The following MACROD2 variants were observed in gnomAD, a reference collection of about 807,000 sequenced individuals.
The protein encoded by MACROD2 is ADP-ribose glycohydrolase MACROD2.
In MACROD2, 36 loss-of-function variants were observed where a neutral mutation model predicts 70.4. That is an observed-to-expected ratio of 0.51 (90% CI 0.39 to 0.68). The LOEUF (loss-of-function observed/expected upper bound fraction) is 0.68. Ranked by LOEUF, MACROD2 falls within the 30% of genes least tolerant of loss-of-function variation. The pLI is 0.00. For missense variants in MACROD2, 496 were observed against 538.4 expected (o/e 0.92, Z 0.78); for synonymous variants, 172 against 178.8 (o/e 0.96, Z 0.30).
chr20:14,009,277 A>G (rs1014374088), intron 2 of MACROD2, among the ~76,000 whole-genome samples: 5 of 152,136 alleles, frequency 3.3e-5, no homozygotes, highest in African/African-American at 1.2e-4. Context: ...AAACCAAACA[A>G]CCCCATTAAA....
At chr20:14,278,371 G>T (rs1398297897) in intron 3 of MACROD2, among the ~76,000 whole-genome samples, 1 of 152,166 alleles carries the variant, frequency 6.6e-6, no homozygotes, top group Non-Finnish European at 1.5e-5. Flanking sequence ...GCTGGGCAGT[G>T]GTGAGAGGCA....
In MACROD2 at chr20:14,142,972, C is replaced by G. The variant is rs1009250948; in HGVS notation, c.271+57244C>G. ...GTGTGGGTGTACATGCATGCACACA[C>G]ACGAAATATAATAGGGCAGCATCTC... is the stretch of plus-strand genomic sequence containing the variant. On this transcript the variant is annotated intron_variant, in intron 3 of 17. Coordinates refer to ENST00000684519, the MANE Select transcript of MACROD2 (RefSeq NM_001351661.2). Among the ~76,000 whole-genome samples, 3 of 152,094 alleles carry G rather than the reference C, an allele frequency of 2.0e-5. No homozygotes were observed. The East Asian group carries it at 5.8e-4, about 29-fold the overall frequency.
intron 5 of MACROD2, among the ~76,000 whole-genome samples, chr20:14,997,737 C>T (rs1461648841): frequency 2.6e-5 from 4 of 152,076 alleles, no homozygotes; most frequent in Non-Finnish European, 5.9e-5. Context: ...CTAAGGAGCC[C>T]TTGGGCCTTG....
chr20:15,474,353 C>T (rs1015776783), intron 7 of MACROD2, among the ~76,000 whole-genome samples: 7 of 151,990 alleles, frequency 4.6e-5, no homozygotes, highest in African/African-American at 7.2e-5. Context: ...ACTTAATGAG[C>T]GAGGCTTCAT....
chr20:14,343,566 A>G (rs184965847), intron 3 of MACROD2, among the ~76,000 whole-genome samples: 111 of 152,304 alleles, frequency 7.3e-4, no homozygotes, highest in African/African-American at 2.6e-3. Context: ...GAAACAATTC[A>G]CTAATGTCAA....
In MACROD2 at chr20:14,942,444, T is replaced by A. The variant is rs930508699; in HGVS notation, c.418+257485T>A. Among the ~76,000 whole-genome samples, 5 of 151,970 alleles carry A rather than the reference T, an allele frequency of 3.3e-5. No individual in the cohort carries two copies. In the East Asian group the frequency reaches 9.7e-4, roughly 29 times the overall value. On this transcript the variant is annotated intron_variant, in intron 5 of 17. Transcript: ENST00000684519. ...CCTTTCTCCTCCTCCTCTTCCTCCTTTCTCCTCCTCCTTTTTCTTCTTCAG... is the reference window on the plus strand; with the variant it reads ...CCTTTCTCCTCCTCCTCTTCCTCCTATCTCCTCCTCCTTTTTCTTCTTCAG...
rs185498016 is a variant in MACROD2 at position 15,524,929 on chromosome 20, C to T, written c.645+25082C>T. 2.0e-5 allele frequency among the ~76,000 whole-genome samples: 3 copies of T among 152,266 alleles called. No homozygotes were observed. In the East Asian group the frequency reaches 5.8e-4, roughly 29 times the overall value. ...TGTCACTGAGGTTCTACTGAATAGT[C>T]CAAGTCCAACTCTAGATTCTTAGGC... On this transcript the variant is annotated intron_variant, in intron 8 of 17. Transcript: ENST00000684519.
chr20:15,827,893 T>C (rs1278391213), intron 8 of MACROD2, among the ~76,000 whole-genome samples: 1 of 152,230 alleles, frequency 6.6e-6, no homozygotes, highest in Non-Finnish European at 1.5e-5. Flanking sequence ...TAGCCCAGAA[T>C]GCATGGCTTC....
At chr20:14,214,332 A>G (rs902819212) in intron 3 of MACROD2, among the ~76,000 whole-genome samples, 1 of 152,134 alleles carries the variant, frequency 6.6e-6, no homozygotes, top group African/African-American at 2.4e-5. Flanking sequence ...ATGTAGTGCC[A>G]TCCCCTTCTT....
At chr20:15,275,413 C>T (rs1226586920) in intron 6 of MACROD2, among the ~76,000 whole-genome samples, 1 of 152,170 alleles carries the variant, frequency 6.6e-6, no homozygotes. Flanking sequence ...ATCAGATTTG[C>T]TTTTGAGAAG....
At chr20:15,352,908 A>G (rs1276474658) in intron 6 of MACROD2, among the ~76,000 whole-genome samples, 1 of 151,694 alleles carries the variant, frequency 6.6e-6, no homozygotes, top group Non-Finnish European at 1.5e-5. Context: ...AATCAATATC[A>G]TGAAAATGGC....
At chr20:15,537,723 C>A (rs550626211) in intron 8 of MACROD2, among the ~76,000 whole-genome samples, 35 of 152,238 alleles carry the variant, frequency 2.3e-4, no homozygotes, top group African/African-American at 8.4e-4. Context: ...ATATGCCCAC[C>A]TTGGCCTCCC....
intron 6 of MACROD2, among the ~76,000 whole-genome samples, chr20:15,244,540 C>T (rs527569750): frequency 5.3e-5 from 8 of 152,066 alleles, no homozygotes; most frequent in Non-Finnish European, 1.0e-4. Context: ...CCCCCTGCAC[C>T]CCAGATTGCT....
rs1409175132 is a variant in MACROD2, at chr20:14,684,916, T to C, written c.375T>C (p.Thr125=). 2 of 1,613,942 alleles carry C rather than the reference T, an allele frequency of 1.2e-6. No homozygotes were observed. The highest frequency in any genetic ancestry group is 2.2e-5 in the East Asian group (1 of 44,892). Residue 125 remains threonine, a synonymous_variant, in exon 5 of 18, where the codon ACT becomes ACC. Coordinates refer to ENST00000684519, the MANE Select transcript of MACROD2 (RefSeq NM_001351661.2). ...AECRNLNGCD[T]GHAKITCGYD... Reference sequence around the variant, plus strand: ...GTCGTAACCTGAATGGCTGTGATACTGGACATGCAAAAATCACATGTGGCT... The same window carrying C: ...GTCGTAACCTGAATGGCTGTGATACCGGACATGCAAAAATCACATGTGGCT...
At chr20:14,116,339 C>T (rs537095716) in intron 3 of MACROD2, among the ~76,000 whole-genome samples, 3 of 152,260 alleles carry the variant, frequency 2.0e-5, no homozygotes, top group South Asian at 4.1e-4. Context: ...CTGCGTTATC[C>T]GTTTACGTAT....
intron 8 of MACROD2, among the ~76,000 whole-genome samples, chr20:15,827,002 G>T (rs1371603346): frequency 6.6e-6 from 1 of 152,138 alleles, no homozygotes; most frequent in African/African-American, 2.4e-5. Flanking sequence ...CTGAATTATG[G>T]TAAATAGTGA....
At chr20:14,325,456 A>T in intron 3 of MACROD2, 9 of 1,261,606 alleles carry the variant, frequency 7.1e-6, no homozygotes, top group African/African-American at 4.5e-5. Flanking sequence ...GCTTTTTTTC[A>T]GTCTCTTTTT....
At chr20:14,478,383 G>T (rs1443984975) in intron 3 of MACROD2, among the ~76,000 whole-genome samples, 1 of 152,140 alleles carries the variant, frequency 6.6e-6, no homozygotes, top group Non-Finnish European at 1.5e-5. Context: ...TGAAGGGGCT[G>T]CCAGCTAAGG....
chr20:14,644,990 A>G (rs1985306942), intron 4 of MACROD2, among the ~76,000 whole-genome samples: 1 of 152,154 alleles, frequency 6.6e-6, no homozygotes, highest in Admixed American at 6.6e-5. Flanking sequence ...TATGGATTGA[A>G]CAACTGTTAG....
Sources: allele counts gnomAD v4.1 joint callset (sites outside exome capture counted in the v4.1 genomes callset), GRCh38; gene constraint gnomAD v4.1.1; transcripts MANE v1.5; gene names NCBI Gene and HGNC (gene_info 2026-07-23, HGNC 2026-07-21).